Variants in MGMT observed in about 807,000 individuals in gnomAD.
MGMT encodes methylated-DNA--protein-cysteine methyltransferase.
MGMT carries 14 observed loss-of-function variants against 15.9 expected under a neutral mutation model. That is an observed-to-expected ratio of 0.88 (90% CI 0.58 to 1.37). MGMT has a LOEUF of 1.37. MGMT is among the 40% of genes most tolerant of loss of function. The pLI, the probability that MGMT is intolerant of heterozygous loss-of-function variation, is 0.00. For missense variants in MGMT, 282 were observed against 268.1 expected (o/e 1.05, Z -0.36); for synonymous variants, 130 against 118.2 (o/e 1.10, Z -0.65).
At chr10:129,597,284 C>T (rs992098326) in intron 2 of MGMT, among the ~76,000 whole-genome samples, 1 of 152,128 alleles carries the variant, frequency 6.6e-6, no homozygotes, top group African/African-American at 2.4e-5. Flanking sequence ...GGATCTCAAC[C>T]TCGCGTGAAA....
intron 2 of MGMT, among the ~76,000 whole-genome samples, chr10:129,598,135 A>T (rs58336838): frequency 1.3e-5 from 2 of 152,142 alleles, no homozygotes; most frequent in Non-Finnish European, 2.9e-5. Flanking sequence ...CCAGCAAGGA[A>T]GATGAGGACC....
intron 1 of MGMT, among the ~76,000 whole-genome samples, chr10:129,512,212 G>A (rs1480307253): frequency 6.6e-6 from 1 of 152,150 alleles, no homozygotes; most frequent in Admixed American, 6.5e-5. Context: ...CATTCCCTCA[G>A]CGATCAGTTT....
At chr10:129,610,251 G>A (rs892141530) in intron 2 of MGMT, among the ~76,000 whole-genome samples, 1 of 152,076 alleles carries the variant, frequency 6.6e-6, no homozygotes, top group African/African-American at 2.4e-5. Context: ...ATTCTTTGGC[G>A]GTATCACTGT....
intron 3 of MGMT, among the ~76,000 whole-genome samples, chr10:129,725,925 G>A (rs1848428593): frequency 6.6e-6 from 1 of 152,186 alleles, no homozygotes; most frequent in Admixed American, 6.5e-5. Context: ...AGCTCCTGGG[G>A]CAGTTTCTCT....
chr10:129,708,296 G>A (rs1310813356), intron 3 of MGMT, among the ~76,000 whole-genome samples: 1 of 152,164 alleles, frequency 6.6e-6, no homozygotes, highest in Non-Finnish European at 1.5e-5. Context: ...ATCGACTCTT[G>A]ACTCTCGCTG....
intron 1 of MGMT, among the ~76,000 whole-genome samples, chr10:129,513,674 A>G (rs1845708176): frequency 1.3e-5 from 2 of 152,218 alleles, no homozygotes; most frequent in African/African-American, 4.8e-5. Context: ...ATCGGAAAAC[A>G]AGGAGAACTA....
At chr10:129,490,424 A>G (rs538062920) in intron 1 of MGMT, among the ~76,000 whole-genome samples, 2 of 152,278 alleles carry the variant, frequency 1.3e-5, no homozygotes, top group Admixed American at 6.5e-5. Flanking sequence ...GCTCTAGACC[A>G]AGCTTATTAA....
intron 1 of MGMT, among the ~76,000 whole-genome samples, chr10:129,494,394 C>A (rs1041611764): frequency 6.6e-6 from 1 of 152,180 alleles, no homozygotes; most frequent in African/African-American, 2.4e-5. Context: ...ACCTGAATGA[C>A]CTGCTCAGTG....
At chr10:129,625,160 T>C (rs1409773704) in intron 2 of MGMT, among the ~76,000 whole-genome samples, 2 of 152,312 alleles carry the variant, frequency 1.3e-5, no homozygotes, top group East Asian at 3.9e-4. Flanking sequence ...TTAGATACAA[T>C]GAGCTAAGTT....
chr10:129,701,866 T>G (rs992643398), intron 2 of MGMT: 1 of 152,210 alleles, frequency 6.6e-6, no homozygotes, highest in African/African-American at 2.4e-5. Context: ...CCACTCTTCC[T>G]TCACGTTCTT....
At chr10:129,587,205 G>C (rs961691848) in intron 2 of MGMT, among the ~76,000 whole-genome samples, 1 of 151,698 alleles carries the variant, frequency 6.6e-6, no homozygotes, top group African/African-American at 2.4e-5. Context: ...TTTTGGGTTG[G>C]TGTGCTTGTC....
intron 1 of MGMT, among the ~76,000 whole-genome samples, chr10:129,499,835 G>A (rs1447428916): frequency 6.6e-6 from 1 of 152,192 alleles, no homozygotes; most frequent in Non-Finnish European, 1.5e-5. Flanking sequence ...CTCGAATTGG[G>A]TTTCCTGGTG....
intron 2 of MGMT, among the ~76,000 whole-genome samples, chr10:129,583,056 A>T (rs147533792): frequency 1.3e-5 from 2 of 152,200 alleles, no homozygotes; most frequent in Non-Finnish European, 2.9e-5. Flanking sequence ...AAAAAATCTT[A>T]TATCTTTCTG....
rs1846360620 is a variant in MGMT, at chr10:129,566,838, C to T, written c.125+30461C>T. ...TTTTGAAGAGCTGCAGGCTGGGGAG[C>T]CCCCGTGGCGAACAGAGGCTCTAAG... On this transcript the variant is annotated intron_variant, in intron 2 of 4. Transcript: ENST00000651593. The surrounding 1 kb of genome is among the most constrained non-coding windows in gnomAD (Gnocchi z 4.1). 6.6e-6 allele frequency among the ~76,000 whole-genome samples: 1 copy of T among 152,104 alleles called. No homozygotes were observed. The highest frequency in any genetic ancestry group is 1.5e-5 in the Non-Finnish European group (1 of 68,032).
chr10:129,548,719 C>T (rs1245734077), intron 2 of MGMT, among the ~76,000 whole-genome samples: 1 of 152,224 alleles, frequency 6.6e-6, no homozygotes, highest in East Asian at 1.9e-4. Context: ...TGGGGAGAGG[C>T]GTCAGTCCCA....
At chr10:129,679,297 C>T (rs1471129755) in intron 2 of MGMT, among the ~76,000 whole-genome samples, 1 of 152,124 alleles carries the variant, frequency 6.6e-6, no homozygotes, top group Non-Finnish European at 1.5e-5. Context: ...AAACACCGGT[C>T]CCCTCTGCTG....
At chr10:129,648,904 G>T (rs968610171) in intron 2 of MGMT, among the ~76,000 whole-genome samples, 1 of 152,120 alleles carries the variant, frequency 6.6e-6, no homozygotes, top group Non-Finnish European at 1.5e-5. Context: ...GGACACCACC[G>T]CTTAAGCCCT....
chr10:129,537,270 G>A (rs1210766144), intron 2 of MGMT: 1 of 152,036 alleles, frequency 6.6e-6, no homozygotes, highest in Admixed American at 6.6e-5. Context: ...ATTTTAATGG[G>A]CCCCTGTCCG....
intron 2 of MGMT, among the ~76,000 whole-genome samples, chr10:129,573,458 A>G (rs757124981): frequency 8.7e-4 from 132 of 152,028 alleles, no homozygotes; most frequent in African/African-American, 2.2e-3. Flanking sequence ...GTCCCTTCCT[A>G]TGGCTTCTAA....
Sources: gnomAD v4.1 joint callset for allele counts (sites outside exome capture counted in the v4.1 genomes callset) on GRCh38, gnomAD v4.1.1 for gene constraint, Gnocchi (gnomAD v3.1) non-coding constraint, MANE v1.5 for transcripts, NCBI Gene and HGNC (gene_info 2026-07-23, HGNC 2026-07-21) for gene names.